The following ANAPC2 variants were observed in gnomAD, a reference collection of about 807,000 sequenced individuals.
ANAPC2 encodes anaphase-promoting complex subunit 2.
ANAPC2 carries 29 observed loss-of-function variants against 84.3 expected under a neutral mutation model. The ratio of observed to expected loss-of-function variants is 0.34; its 90% CI spans 0.26 to 0.47. ANAPC2 has a LOEUF of 0.47. Among genes scored for constraint, ANAPC2 ranks in the 20% least tolerant of loss-of-function variants. ANAPC2 has a pLI of 1.00. For missense variants in ANAPC2, 857 were observed against 1,131.7 expected (o/e 0.76, Z 3.48); for synonymous variants, 571 against 479.4 (o/e 1.19, Z -2.50).
intron 10 of ANAPC2, 95 bp downstream of exon 10, chr9:137,180,086 G>A (rs1272673961): frequency 1.4e-6 from 2 of 1,381,330 alleles, no homozygotes; most frequent in African/African-American, 1.4e-5. Context: ...ACACTCGGGT[G>A]ACAACGGGGC....
Position 137,187,471 on chromosome 9 carries a change from G to A in ANAPC2, c.740+10C>T. ...GAGCAAGGGCATGGCCATCGGGACA[G>A]ACTACTCACAAGACCTGGCTGAGCT... On this transcript the variant is annotated intron_variant, in intron 2 of 12. Coordinates refer to ENST00000323927, the MANE Select transcript of ANAPC2 (RefSeq NM_013366.4). 5.0e-6 allele frequency: 8 copies of A among 1,601,012 alleles called. No homozygotes were observed. Among genetic ancestry groups the A allele is most frequent in the African/African-American group, 1.3e-5 (1 of 74,818 alleles).
Position 137,188,523 on chromosome 9 carries a change from C to T in ANAPC2, c.10G>A (p.Ala4Thr). The T allele has an allele frequency of 6.2e-7, 1 of 1,607,686 alleles. No individual in the cohort carries two copies. The highest frequency in any genetic ancestry group is 8.5e-7 in the Non-Finnish European group (1 of 1,178,506). Residue 4 changes from alanine (A) to threonine (T), a missense_variant, in exon 1 of 13, where the codon GCA becomes ACA. Coordinates refer to ENST00000323927, the MANE Select transcript of ANAPC2 (RefSeq NM_013366.4). MAA[A>T]VVVAEGDSDS... ...CTGTCCCCCTCCGCCACCACAACTG[C>T]CGCCGCCATCTGCACCCACCGACTC...
At chr9:137,182,104 A>G (rs577749497) in intron 6 of ANAPC2, among the ~76,000 whole-genome samples, 25 of 152,336 alleles carry the variant, frequency 1.6e-4, no homozygotes, top group African/African-American at 5.8e-4. Flanking sequence ...CAATCCCAGC[A>G]CATAGGGACA....
intron 3 of ANAPC2, among the ~76,000 whole-genome samples, chr9:137,185,705 C>T (rs1482186189): frequency 6.6e-6 from 1 of 152,184 alleles, no homozygotes; most frequent in African/African-American, 2.4e-5. Flanking sequence ...GATGGGGGGA[C>T]CCACATGGCT....
At position 137,186,327 on chromosome 9, in the gene ANAPC2, C is replaced by T; in HGVS notation, c.770G>A (p.Ser257Asn). The T allele has an allele frequency of 6.2e-7, 1 of 1,609,944 alleles. No individual in the cohort carries two copies. Among genetic ancestry groups the T allele is most frequent in the Non-Finnish European group, 8.5e-7 (1 of 1,179,140 alleles). Residue 257 changes from serine (S) to asparagine (N), a missense_variant, in exon 3 of 13, where the codon AGT becomes AAT. This residue lies in a region of ANAPC2 where 428 missense variants were observed against 513.8 expected (regional missense o/e 0.83). Transcript: ENST00000323927. ...CAGGGTGGTGGTCACAGCCTCGGCA[C>T]TGACCCGCTCCAGCAGACTGAGCCT... ...LHRLSLLERVSAEAVTTTLHQ... is the reference protein window; with the variant it reads ...LHRLSLLERVNAEAVTTTLHQ...
chr9:137,178,677 C>T (rs1588757898), intron 10 of ANAPC2, among the ~76,000 whole-genome samples: 1 of 151,442 alleles, frequency 6.6e-6, no homozygotes, highest in African/African-American at 2.4e-5. Context: ...GTGGGGATGG[C>T]CAGGGTGCTC....
chr9:137,185,204 G>A (rs1403713217), intron 3 of ANAPC2, 117 bp from the exon 4 acceptor site: 11 of 1,111,262 alleles, frequency 9.9e-6, no homozygotes, highest in East Asian at 2.9e-5. Flanking sequence ...AGGGGAGCCC[G>A]AAGGCCACCT....
Position 137,186,295 on chromosome 9 carries a change from C to G in ANAPC2, c.802G>C (p.Val268Leu). Reference sequence around the variant, plus strand: ...CGGTCCTCCATCCTCTCCCGGGTCACCTGGTGCAGGGTGGTGGTCACAGCC... The same window carrying G: ...CGGTCCTCCATCCTCTCCCGGGTCAGCTGGTGCAGGGTGGTGGTCACAGCC... ...AEAVTTTLHQVTRERMEDRCR... is the reference protein window; with the variant it reads ...AEAVTTTLHQLTRERMEDRCR... Residue 268 changes from valine (V) to leucine (L), a missense_variant, in exon 3 of 13, where the codon GTG becomes CTG. Val to Leu is a conservative substitution (Grantham distance 32, BLOSUM62 1). This residue lies in a region of ANAPC2 where 428 missense variants were observed against 513.8 expected (regional missense o/e 0.83). Transcript: ENST00000323927. The G allele has an allele frequency of 1.9e-6, 3 of 1,612,302 alleles. No homozygotes were observed. Among genetic ancestry groups the G allele is most frequent in the Non-Finnish European group, 2.5e-6 (3 of 1,179,954 alleles).
intron 6 of ANAPC2, 41 bp downstream of exon 6, chr9:137,183,084 C>T (rs1834378606): frequency 6.5e-7 from 1 of 1,528,910 alleles, no homozygotes; most frequent in Non-Finnish European, 9.0e-7. Context: ...CAGCAGGATG[C>T]CCAGGGTCCC....
At chr9:137,187,397 C>T in intron 2 of ANAPC2, 84 bp downstream of exon 2, 4 of 1,512,598 alleles carry the variant, frequency 2.6e-6, no homozygotes, top group Non-Finnish European at 3.5e-6. Context: ...GGCTCACCAG[C>T]TTTCTGCTGA....
chr9:137,187,527 A>G lies in ANAPC2; in HGVS notation c.694T>C (p.Trp232Arg), dbSNP rs1245343474. ...AACTGCTCCAGAGCCTGGCGACACC[A>G]GCACTGTTGCTTGTCACTGCTGCAC... is the stretch of plus-strand genomic sequence containing the variant. ...AGCSSDKQQC[W>R]CRQALEQFHQ... Residue 232 changes from tryptophan (W) to arginine (R), a missense_variant, in exon 2 of 13, where the codon TGG becomes CGG. Around this residue, in one of 3 missense-constraint regions of ANAPC2, gnomAD observed 428 missense variants for 513.8 expected, o/e 0.83. Coordinates refer to ENST00000323927, the MANE Select transcript of ANAPC2 (RefSeq NM_013366.4). 3.7e-6 allele frequency: 6 copies of G among 1,613,112 alleles called. No homozygotes were observed. Among genetic ancestry groups the G allele is most frequent in the Non-Finnish European group, 5.1e-6 (6 of 1,179,368 alleles).
Position 137,183,199 on chromosome 9 carries a change from G to A in ANAPC2, c.1212C>T (p.Ile404=), listed in dbSNP as rs780990185. The A allele has an allele frequency of 2.5e-6, 4 of 1,613,288 alleles. No individual in the cohort carries two copies. The highest frequency in any genetic ancestry group is 1.1e-5 in the South Asian group (1 of 91,084). ...CDIITLYISA[I]KALRVLDPSM... ...AAGGGTCCAGCACGCGCAGCGCCTT[G>A]ATGGCAGAGATATAGAGGGTGATGA... is the stretch of plus-strand genomic sequence containing the variant. Residue 404 remains isoleucine, a synonymous_variant, in exon 6 of 13, where the codon ATC becomes ATT. Transcript: ENST00000323927.
chr9:137,187,327 G>C, intron 2 of ANAPC2, 154 bp downstream of exon 2: 4 of 968,410 alleles, frequency 4.1e-6, no homozygotes, highest in Non-Finnish European at 4.5e-6. Context: ...CCTGTGTCCA[G>C]GACACGCTGC....
chr9:137,179,532 G>A (rs1386154213), intron 10 of ANAPC2, among the ~76,000 whole-genome samples: 1 of 152,146 alleles, frequency 6.6e-6, no homozygotes, highest in African/African-American at 2.4e-5. Flanking sequence ...AGCCAAACGT[G>A]GCCAATACCA....
At chr9:137,182,471 T>C (rs1834364208) in intron 6 of ANAPC2, among the ~76,000 whole-genome samples, 2 of 151,244 alleles carry the variant, frequency 1.3e-5, no homozygotes, top group South Asian at 4.2e-4. Flanking sequence ...ATCGTGCCAC[T>C]GCACTCCAGC....
Position 137,183,141 on chromosome 9 carries a change from T to C in ANAPC2, c.1270A>G (p.Ile424Val), listed in dbSNP as rs374769483. The C allele has an allele frequency of 2.2e-5, 36 of 1,612,580 alleles. No individual in the cohort carries two copies. The highest frequency in any genetic ancestry group is 5.0e-5 in the Admixed American group (3 of 59,968). Residue 424 changes from isoleucine to valine, a missense_variant, in exon 6 of 13, where the codon ATC becomes GTC. Around this residue, in one of 3 missense-constraint regions of ANAPC2, gnomAD observed 425 missense variants for 595.5 expected, o/e 0.71. Transcript: ENST00000323927. ...AGCCCTCACCTCAGGTAGCGGCGGATAGGCTCACAGGCCACCTCCAGGATG... is the reference window on the plus strand; with the variant it reads ...AGCCCTCACCTCAGGTAGCGGCGGACAGGCTCACAGGCCACCTCCAGGATG... ...MVILEVACEP[I>V]RRYLRTREDT...
Position 137,175,314 on chromosome 9 carries a change from T to A in ANAPC2, c.2179A>T (p.Met727Leu). Residue 727 changes from methionine to leucine, a missense_variant, in exon 12 of 13, where the codon ATG becomes TTG. Physicochemically the swap from Met to Leu is conservative, Grantham distance 15. Around this residue, in one of 3 missense-constraint regions of ANAPC2, gnomAD observed 425 missense variants for 595.5 expected, o/e 0.71. Transcript: ENST00000323927. ...TCGTCGTCACTGTCAATGAGCACCA[T>A]GTTGTCCCGGTCCTGAGGCCGCTCC... ...EEERPQDRDN[M>L]VLIDSDDESD... The A allele has an allele frequency of 1.2e-6, 2 of 1,612,594 alleles. No individual in the cohort carries two copies. Among genetic ancestry groups the A allele is most frequent in the East Asian group, 2.2e-5 (1 of 44,864 alleles).
chr9:137,178,667 G>A (rs1834274883), intron 10 of ANAPC2, among the ~76,000 whole-genome samples: 1 of 152,146 alleles, frequency 6.6e-6, no homozygotes, highest in African/African-American at 2.4e-5. Flanking sequence ...AGCTCGAGGT[G>A]TGGGGATGGC....
intron 10 of ANAPC2, among the ~76,000 whole-genome samples, chr9:137,178,093 A>G (rs1395479758): frequency 1.3e-5 from 2 of 152,236 alleles, no homozygotes; most frequent in Non-Finnish European, 2.9e-5. Context: ...AGGGCTCCTG[A>G]GTCCTTCCAG....
Sources: gnomAD v4.1 joint callset for allele counts (sites outside exome capture counted in the v4.1 genomes callset) on GRCh38, gnomAD v4.1.1 for gene constraint, gnomAD v4.1.1 regional missense constraint, MANE v1.5 for transcripts, NCBI Gene and HGNC (gene_info 2026-07-23, HGNC 2026-07-21) for gene names.